The following TENM2 variants were observed in gnomAD, a reference collection of about 807,000 sequenced individuals.
TENM2 encodes the protein teneurin-2.
Under a neutral mutation model 245.2 loss-of-function variants are expected in TENM2, and 52 were observed. The observed-to-expected ratio is 0.21, with a 90% confidence interval of 0.17 to 0.27. The LOEUF (loss-of-function observed/expected upper bound fraction) is 0.27. TENM2 is among the 10% of genes least tolerant of loss of function. TENM2 has a pLI of 1.00. For missense variants in TENM2, 3,046 were observed against 3,666.8 expected (o/e 0.83, Z 4.37); for synonymous variants, 1,363 against 1,438.9 (o/e 0.95, Z 1.19).
At chr5:167,806,746 T>C (rs1404246394) in intron 2 of TENM2, among the ~76,000 whole-genome samples, 2 of 152,086 alleles carry the variant, frequency 1.3e-5, no homozygotes, top group Non-Finnish European at 2.9e-5. Flanking sequence ...AAGCTTACAC[T>C]TGCAGTTATG....
At chr5:166,985,258 C>T in the TENM2 span, among the ~76,000 whole-genome samples, 1 of 152,026 alleles carries the variant, frequency 6.6e-6, no homozygotes, top group African/African-American at 2.4e-5. Flanking sequence ...AATTGGAGAC[C>T]TAAGTCAAGG....
At chr5:167,100,237 C>G in the TENM2 span, among the ~76,000 whole-genome samples, 1 of 152,082 alleles carries the variant, frequency 6.6e-6, no homozygotes, top group South Asian at 2.1e-4. Flanking sequence ...CACATTTTTC[C>G]TCTGGTCATC....
chr5:168,252,789 G>A (rs1401185970), intron 27 of TENM2, among the ~76,000 whole-genome samples: 2 of 151,410 alleles, frequency 1.3e-5, no homozygotes, highest in African/African-American at 4.9e-5. Flanking sequence ...AGAGATTGCA[G>A]TGAGCTGAGA....
At chr5:167,163,609 C>T in the TENM2 span, among the ~76,000 whole-genome samples, 2 of 152,102 alleles carry the variant, frequency 1.3e-5, no homozygotes, top group Non-Finnish European at 2.9e-5. Context: ...TTAACACTTT[C>T]ACCAGGGACT....
chr5:167,586,145 A>G (rs1167623806), intron 2 of TENM2, among the ~76,000 whole-genome samples: 1 of 144,090 alleles, frequency 6.9e-6, no homozygotes, highest in Non-Finnish European at 1.5e-5. Context: ...ACAAAGTAAG[A>G]GTACGATAAT....
chr5:167,860,949 G>T (rs1490416563), intron 2 of TENM2, among the ~76,000 whole-genome samples: 1 of 120,450 alleles, frequency 8.3e-6, no homozygotes, highest in Non-Finnish European at 1.7e-5. Context: ...AGAGACCTTT[G>T]TTCACTTGTT....
intron 2 of TENM2, among the ~76,000 whole-genome samples, chr5:167,564,013 T>C (rs1773751723): frequency 6.6e-6 from 1 of 152,186 alleles, no homozygotes; most frequent in Non-Finnish European, 1.5e-5. Context: ...ACTTACTAAG[T>C]CTATCCTATG....
intron 2 of TENM2, among the ~76,000 whole-genome samples, chr5:167,714,399 T>C (rs1162668143): frequency 6.6e-6 from 1 of 152,200 alleles, no homozygotes; most frequent in Non-Finnish European, 1.5e-5. Context: ...GTTTCGTGCA[T>C]TGAGAATGGC....
At chr5:168,250,546 C>G (rs2152698624) in intron 27 of TENM2, among the ~76,000 whole-genome samples, 1 of 152,316 alleles carries the variant, frequency 6.6e-6, no homozygotes, top group African/African-American at 2.4e-5. Context: ...GAGCACAGTG[C>G]TGCCATCTAA....
chr5:168,133,454 G>T (rs1027546549), intron 12 of TENM2, among the ~76,000 whole-genome samples: 1 of 152,222 alleles, frequency 6.6e-6, no homozygotes, highest in African/African-American at 2.4e-5. Flanking sequence ...CATTACTTTT[G>T]ATGCAGAAAC....
At chr5:167,363,142 A>G (rs897015107) in intron 1 of TENM2, among the ~76,000 whole-genome samples, 4 of 152,240 alleles carry the variant, frequency 2.6e-5, no homozygotes, top group Non-Finnish European at 5.9e-5. Flanking sequence ...AAAAATAAGC[A>G]AAAGTCAGAA....
chr5:167,343,666 T>C (rs1429307410), intron 1 of TENM2, among the ~76,000 whole-genome samples: 1 of 152,228 alleles, frequency 6.6e-6, no homozygotes, highest in African/African-American at 2.4e-5. Flanking sequence ...CTGTAATTGA[T>C]AACTAAATAC....
intron 1 of TENM2, among the ~76,000 whole-genome samples, chr5:167,355,218 A>C (rs1437352530): frequency 6.6e-6 from 1 of 152,192 alleles, no homozygotes; most frequent in Non-Finnish European, 1.5e-5. Context: ...CTGTGTGTGC[A>C]GTATAATGGC....
chr5:168,043,358 G>T (rs551888928), intron 5 of TENM2, among the ~76,000 whole-genome samples: 7 of 152,172 alleles, frequency 4.6e-5, no homozygotes, highest in Non-Finnish European at 2.9e-5. Flanking sequence ...CAAAGCACTG[G>T]GATTATAGGC....
At chr5:167,245,617 T>C in the TENM2 span, among the ~76,000 whole-genome samples, 1 of 152,068 alleles carries the variant, frequency 6.6e-6, no homozygotes. Context: ...AAAAACCTGA[T>C]TATTGAGTAT....
In TENM2 at chr5:167,473,763, T is replaced by G. The variant is rs1286161755; in HGVS notation, c.502+98290T>G. On this transcript the variant is annotated intron_variant, in intron 2 of 28. Coordinates refer to ENST00000518659, the Ensembl canonical transcript of TENM2. Reference sequence around the variant, plus strand: ...CTAATTGTGTGATATTGGACACATCTGTTTCCTTATTTAGAAAATTGGATC... The same window carrying G: ...CTAATTGTGTGATATTGGACACATCGGTTTCCTTATTTAGAAAATTGGATC... 2.0e-5 allele frequency among the ~76,000 whole-genome samples: 3 copies of G among 152,220 alleles called. No individual in the cohort carries two copies. The East Asian group carries it at 5.8e-4, about 29-fold the overall frequency.
At chr5:167,624,134 G>T (rs1223325257) in intron 2 of TENM2, among the ~76,000 whole-genome samples, 1 of 152,060 alleles carries the variant, frequency 6.6e-6, no homozygotes, top group Non-Finnish European at 1.5e-5. Context: ...TATATTTATT[G>T]CAGTAATACA....
the TENM2 span, among the ~76,000 whole-genome samples, chr5:167,219,075 GAT>G: frequency 6.6e-6 from 1 of 152,152 alleles, no homozygotes; most frequent in African/African-American, 2.4e-5. Context: ...TTCTCTTTGA[GAT>G]TGAAGAAGTT....
At chr5:167,373,686 C>T (rs1760576254) in intron 1 of TENM2, among the ~76,000 whole-genome samples, 1 of 152,156 alleles carries the variant, frequency 6.6e-6, no homozygotes, top group Non-Finnish European at 1.5e-5. Flanking sequence ...CTGGAGACTG[C>T]TGACACTATA....
Sources: gnomAD v4.1 joint callset for allele counts (sites outside exome capture counted in the v4.1 genomes callset) on GRCh38, gnomAD v4.1.1 for gene constraint, MANE v1.5 for transcripts, NCBI Gene and HGNC (gene_info 2026-07-23, HGNC 2026-07-21) for gene names.